Variants in SLC5A7 observed in about 807,000 individuals in gnomAD.
SLC5A7 encodes solute carrier family 5 member 7, also known as high affinity choline transporter 1.
In SLC5A7, 19 loss-of-function variants were observed where a neutral mutation model predicts 55.4. That is an observed-to-expected ratio of 0.34 (90% confidence interval 0.24 to 0.50). The LOEUF (loss-of-function observed/expected upper bound fraction) is 0.50, where lower values mean the gene tolerates loss of function less well. SLC5A7 is among the 20% of genes least tolerant of loss of function. The pLI, the probability that SLC5A7 is intolerant of heterozygous loss-of-function variation, is 0.98. For synonymous variants in SLC5A7, 265 were observed against 263.7 expected (o/e 1.00, Z -0.05); for missense variants, 506 against 705.3 (o/e 0.72, Z 3.20).
At position 108,013,078 on chromosome 2, in the gene SLC5A7, T is replaced by TA. The variant is rs1678401789; in HGVS notation, c.*2218dup. ...TAGTCTCTCTACAGGTCTCTCTCTT[T>TA]ACGTTGTACCATTCTGTTGGGCAAC... On this transcript the variant is annotated 3_prime_UTR_variant, in exon 9 of 9. Coordinates refer to ENST00000264047, the MANE Select transcript of SLC5A7 (RefSeq NM_021815.5). 6.6e-6 allele frequency: 1 copy of TA among 152,092 alleles called. No individual in the cohort carries two copies. Among genetic ancestry groups the TA allele is most frequent in the South Asian group, 2.1e-4 (1 of 4,830 alleles). 9.4% of individuals were successfully genotyped at this position (152,092 alleles called of 1,614,324 possible). A position where few individuals can be genotyped will look rare whatever the true frequency, so the allele number is the denominator to read the frequency against.
chr2:108,002,386 G>A (rs750623928), intron 6 of SLC5A7, among the ~76,000 whole-genome samples: 2 of 152,172 alleles, frequency 1.3e-5, no homozygotes, highest in Non-Finnish European at 2.9e-5. Flanking sequence ...TTGAATTAAG[G>A]CATGAAACCC....
chr2:107,993,353 A>G (rs1166189320), intron 4 of SLC5A7, among the ~76,000 whole-genome samples: 2 of 152,248 alleles, frequency 1.3e-5, no homozygotes. Context: ...GAATTGCCTC[A>G]TTAGACCAAT....
At chr2:108,006,652 T>C (rs1403353295) in intron 7 of SLC5A7, among the ~76,000 whole-genome samples, 12 of 152,172 alleles carry the variant, frequency 7.9e-5, no homozygotes, top group Non-Finnish European at 1.5e-5. Context: ...CATGCTGACA[T>C]CATCTGGGGA....
At position 108,010,903 on chromosome 2, in the gene SLC5A7, T is replaced by C; in HGVS notation, c.*42T>C. 6.6e-7 allele frequency: 1 copy of C among 1,511,946 alleles called. No homozygotes were observed. Among genetic ancestry groups the C allele is most frequent in the South Asian group, 1.3e-5 (1 of 75,526 alleles). 93.7% of individuals were successfully genotyped at this position (1,511,946 alleles called of 1,614,324 possible). Reference sequence around the variant, plus strand: ...TACTGCTTTTGCAAACAGAACACTGTAATAGGGTAGTTCTGGAGAGATGGT... The same window carrying C: ...TACTGCTTTTGCAAACAGAACACTGCAATAGGGTAGTTCTGGAGAGATGGT... On this transcript the variant is annotated 3_prime_UTR_variant, in exon 9 of 9. Coordinates refer to ENST00000264047, the MANE Select transcript of SLC5A7 (RefSeq NM_021815.5).
rs756377938 is a variant in SLC5A7, at chr2:107,988,349, G to T, written c.178+16G>T. 1 of 1,599,080 alleles carries T rather than the reference G, an allele frequency of 6.3e-7. No homozygotes were observed. The highest frequency in any genetic ancestry group is 2.2e-5 in the East Asian group (1 of 44,510). ...ACCATGACAGGTACGTTCAGACGCC[G>T]CCGGCTCCATGCAGTCCTCCCTTCC... is the stretch of plus-strand genomic sequence containing the variant. On this transcript the variant is annotated intron_variant, in intron 2 of 8. Transcript: ENST00000264047.
intron 7 of SLC5A7, among the ~76,000 whole-genome samples, chr2:108,007,986 A>C (rs1219634790): frequency 6.6e-6 from 1 of 152,208 alleles, no homozygotes; most frequent in Non-Finnish European, 1.5e-5. Context: ...ATGTGGAAAT[A>C]GGAGAAAAGT....
intron 8 of SLC5A7, 35 bp downstream of exon 8, chr2:108,008,717 G>A (rs752768565): frequency 6.4e-7 from 1 of 1,550,870 alleles, no homozygotes; most frequent in Non-Finnish European, 8.9e-7. Flanking sequence ...ACATTTACTA[G>A]CATTGCTCTT....
intron 7 of SLC5A7, among the ~76,000 whole-genome samples, chr2:108,006,527 T>A (rs916303337): frequency 1.3e-5 from 2 of 151,832 alleles, no homozygotes; most frequent in Admixed American, 6.6e-5. Context: ...GCCTCCAATT[T>A]TTTTGATTGC....
At chr2:108,000,887 G>A (rs1281242847) in intron 5 of SLC5A7, among the ~76,000 whole-genome samples, 1 of 150,326 alleles carries the variant, frequency 6.7e-6, no homozygotes, top group Non-Finnish European at 1.5e-5. Context: ...GAGCCACAGT[G>A]CTCGGCACCA....
intron 2 of SLC5A7, among the ~76,000 whole-genome samples, chr2:107,991,681 C>T (rs1370114856): frequency 6.6e-6 from 1 of 151,934 alleles, no homozygotes; most frequent in African/African-American, 2.4e-5. Context: ...ATGGAAGGGC[C>T]TTGAAATAAA....
chr2:108,003,344 G>A (rs1381409862), intron 6 of SLC5A7, among the ~76,000 whole-genome samples: 1 of 152,150 alleles, frequency 6.6e-6, no homozygotes, highest in Admixed American at 6.5e-5. Flanking sequence ...TTCCCCTACA[G>A]CACACTTTAG....
At chr2:107,992,602 A>G (rs1211073891) in intron 3 of SLC5A7, among the ~76,000 whole-genome samples, 1 of 152,154 alleles carries the variant, frequency 6.6e-6, no homozygotes, top group Non-Finnish European at 1.5e-5. Flanking sequence ...AACAGAAGGT[A>G]CCTCATTTTT....
At chr2:108,007,140 A>G (rs1211960774) in intron 7 of SLC5A7, among the ~76,000 whole-genome samples, 1 of 152,146 alleles carries the variant, frequency 6.6e-6, no homozygotes, top group Non-Finnish European at 1.5e-5. Context: ...ATGAAAATAC[A>G]TCATGTTAAT....
chr2:107,991,589 A>G (rs750172412), intron 2 of SLC5A7, among the ~76,000 whole-genome samples: 5 of 152,190 alleles, frequency 3.3e-5, no homozygotes, highest in African/African-American at 4.8e-5. Context: ...ACACTCACCT[A>G]CATAGATGCA....
intron 2 of SLC5A7, among the ~76,000 whole-genome samples, chr2:107,991,835 A>G (rs1677465211): frequency 6.6e-6 from 1 of 152,230 alleles, no homozygotes; most frequent in Non-Finnish European, 1.5e-5. Context: ...CATTTTCTAC[A>G]AACCTCTAAA....
chr2:108,008,331 A>G, intron 7 of SLC5A7, 134 bp from the exon 8 acceptor site: 2 of 652,550 alleles, frequency 3.1e-6, no homozygotes, highest in Middle Eastern at 4.2e-4. Context: ...TGACCAGCAC[A>G]TGGACTTCAC....
At chr2:108,001,846 C>G in intron 5 of SLC5A7, 51 bp from the exon 6 acceptor site, 1 of 1,601,154 alleles carries the variant, frequency 6.2e-7, no homozygotes, top group Non-Finnish European at 8.5e-7. Flanking sequence ...TTGCATATAT[C>G]AGACAGTTGA....
chr2:107,987,855 C>G (rs1488268208), intron 1 of SLC5A7, among the ~76,000 whole-genome samples: 1 of 152,142 alleles, frequency 6.6e-6, no homozygotes, highest in African/African-American at 2.4e-5. Flanking sequence ...GATTATGATT[C>G]CATTTGTTAA....
At chr2:108,008,755 T>C in intron 8 of SLC5A7, 73 bp downstream of exon 8, 1 of 1,029,402 alleles carries the variant, frequency 9.7e-7, no homozygotes, top group Non-Finnish European at 1.4e-6. Flanking sequence ...ATTTGTTGTA[T>C]ATACAGTATT....
Sources: allele counts gnomAD v4.1 joint callset (sites outside exome capture counted in the v4.1 genomes callset), GRCh38; gene constraint gnomAD v4.1.1; transcripts MANE v1.5; gene names NCBI Gene and HGNC (gene_info 2026-07-23, HGNC 2026-07-21).